Variants in EDIL3 observed in about 807,000 individuals in gnomAD.
The protein encoded by EDIL3 is EGF-like repeat and discoidin I-like domain-containing protein 3.
Under a neutral mutation model 67.4 loss-of-function variants are expected in EDIL3, and 37 were observed. The observed-to-expected ratio is 0.55, with a 90% CI of 0.42 to 0.72. EDIL3 has a LOEUF of 0.72. EDIL3 is among the 30% of genes least tolerant of loss of function. The pLI, the probability that EDIL3 is intolerant of heterozygous loss-of-function variation, is 0.00. For missense variants in EDIL3, 527 were observed against 586.3 expected, an observed-to-expected ratio of 0.90 and a Z score of 1.04; for synonymous variants, 195 against 196.3, an observed-to-expected ratio of 0.99 and a Z score of 0.05.
intron 9 of EDIL3, among the ~76,000 whole-genome samples, chr5:83,982,788 A>C (rs566864707): frequency 9.9e-5 from 15 of 152,234 alleles, no homozygotes; most frequent in African/African-American, 3.6e-4. Flanking sequence ...GCCTCAAAGA[A>C]GCTATGTGAC....
At chr5:84,122,823 C>T (rs977733673) in intron 5 of EDIL3, among the ~76,000 whole-genome samples, 1 of 151,926 alleles carries the variant, frequency 6.6e-6, no homozygotes, top group Non-Finnish European at 1.5e-5. Context: ...TCAACATGGA[C>T]TGTTATTCAT....
chr5:84,065,243 T>C (rs895315425), intron 7 of EDIL3, among the ~76,000 whole-genome samples: 2 of 152,202 alleles, frequency 1.3e-5, no homozygotes, highest in Admixed American at 6.5e-5. Flanking sequence ...TCTTTGCTAC[T>C]GCTTCCGGAT....
intron 1 of EDIL3, among the ~76,000 whole-genome samples, chr5:84,350,754 T>C (rs949169303): frequency 1.3e-5 from 2 of 152,140 alleles, no homozygotes; most frequent in Non-Finnish European, 2.9e-5. Context: ...TAGCCCAGCA[T>C]TGTTCAATAG....
chr5:84,008,192 A>C (rs10214299), intron 9 of EDIL3, among the ~76,000 whole-genome samples: 78,304 of 151,786 alleles, frequency 0.52, 20,836 homozygotes, highest in East Asian at 0.9. Flanking sequence ...ACATATGGTT[A>C]GAAAGAAGAA....
intron 9 of EDIL3, among the ~76,000 whole-genome samples, chr5:83,969,441 A>T (rs1034002849): frequency 2.5e-4 from 38 of 152,006 alleles, no homozygotes; most frequent in African/African-American, 9.1e-4. Context: ...AATAATAGTA[A>T]TTCCTAATGA....
intron 1 of EDIL3, among the ~76,000 whole-genome samples, chr5:84,319,494 CAAAA>C (rs55738450): frequency 0.013 from 557 of 42,860 alleles, 3 homozygotes; most frequent in African/African-American, 0.024. Context: ...CAAAAAACAA[CAAAA>C]AAAAAAAAAA....
At chr5:84,337,065 G>C (rs1165212136) in intron 1 of EDIL3, among the ~76,000 whole-genome samples, 2 of 152,094 alleles carry the variant, frequency 1.3e-5, no homozygotes, top group African/African-American at 4.8e-5. Context: ...ACTAAGTGGG[G>C]ATCAAATTCC....
chr5:84,210,965 A>T (rs1744105664), intron 3 of EDIL3, among the ~76,000 whole-genome samples: 1 of 152,202 alleles, frequency 6.6e-6, no homozygotes, highest in Non-Finnish European at 1.5e-5. Flanking sequence ...ATCTACTGTC[A>T]CTATTGTAGT....
rs180697565 is a variant in EDIL3, at chr5:83,942,551, T to C, written c.*868A>G. ...AGATTTAAATTTAAAGAGACATATATATTTTTTGTTCTTTTGTGCAAACTG... is the reference window on the plus strand; with the variant it reads ...AGATTTAAATTTAAAGAGACATATACATTTTTTGTTCTTTTGTGCAAACTG... On this transcript the variant is annotated 3_prime_UTR_variant, in exon 11 of 11. Transcript: ENST00000296591. 1 of 152,200 alleles carries C rather than the reference T, an allele frequency of 6.6e-6. No homozygotes were observed. The highest frequency in any genetic ancestry group is 1.9e-4 in the East Asian group (1 of 5,166). The allele number at this position is 152,200 out of a possible 1,614,324, so 9.4% of individuals were successfully genotyped here. A position where few individuals can be genotyped will look rare whatever the true frequency, so the allele number is the denominator to read the frequency against.
chr5:84,035,120 G>A (rs1037046981), intron 9 of EDIL3, among the ~76,000 whole-genome samples: 7 of 151,938 alleles, frequency 4.6e-5, no homozygotes, highest in Admixed American at 3.3e-4. Context: ...TTCCACATCA[G>A]AATTCTCACT....
At chr5:83,956,891 A>C (rs370463181) in intron 10 of EDIL3, among the ~76,000 whole-genome samples, 2 of 151,766 alleles carry the variant, frequency 1.3e-5, no homozygotes, top group South Asian at 4.1e-4. Context: ...GCAAATTAAA[A>C]TAAATAAATA....
At chr5:84,257,214 C>T (rs1349069589) in intron 1 of EDIL3, among the ~76,000 whole-genome samples, 2 of 152,048 alleles carry the variant, frequency 1.3e-5, no homozygotes, top group Non-Finnish European at 2.9e-5. Flanking sequence ...CCCTCTGCTG[C>T]CCTCTCTAGA....
chr5:84,130,323 G>C (rs1317076318), intron 5 of EDIL3, among the ~76,000 whole-genome samples: 4 of 152,004 alleles, frequency 2.6e-5, no homozygotes, highest in Non-Finnish European at 1.5e-5. Context: ...TGTTGTCCCG[G>C]CTTTAGAGGG....
intron 10 of EDIL3, among the ~76,000 whole-genome samples, chr5:83,944,396 C>CTTTTTTT (rs35919017): frequency 8.5e-6 from 1 of 117,118 alleles, no homozygotes; most frequent in African/African-American, 3.1e-5. Flanking sequence ...TGTAAAAATG[C>CTTTTTTT]TTTTTTTTTT....
chr5:84,001,332 C>T (rs1424539143), intron 9 of EDIL3, among the ~76,000 whole-genome samples: 1 of 152,080 alleles, frequency 6.6e-6, no homozygotes, highest in Admixed American at 6.6e-5. Flanking sequence ...TCACAAAATG[C>T]TGGGTGGCTG....
chr5:83,996,264 G>T (rs2112164598), intron 9 of EDIL3, among the ~76,000 whole-genome samples: 1 of 152,222 alleles, frequency 6.6e-6, no homozygotes, highest in South Asian at 2.1e-4. Flanking sequence ...TATATTTCTG[G>T]ATAATTATAG....
At chr5:84,093,302 A>C (rs766778080) in intron 6 of EDIL3, among the ~76,000 whole-genome samples, 10 of 151,798 alleles carry the variant, frequency 6.6e-5, no homozygotes, top group Non-Finnish European at 1.3e-4. Flanking sequence ...TCTGATTCCT[A>C]CTCTCAAGTT....
At chr5:84,152,001 C>T (rs899775854) in intron 4 of EDIL3, among the ~76,000 whole-genome samples, 5 of 151,900 alleles carry the variant, frequency 3.3e-5, no homozygotes, top group African/African-American at 4.8e-5. Flanking sequence ...GCAACCTCCG[C>T]CTCCTGGGTC....
At chr5:84,147,112 C>T (rs1328025404) in intron 4 of EDIL3, among the ~76,000 whole-genome samples, 1 of 151,832 alleles carries the variant, frequency 6.6e-6, no homozygotes, top group African/African-American at 2.4e-5. Flanking sequence ...ATTTCGTCTC[C>T]TAAATATTTA....
Sources: allele counts gnomAD v4.1 joint callset (sites outside exome capture counted in the v4.1 genomes callset), GRCh38; gene constraint gnomAD v4.1.1; transcripts MANE v1.5; gene names NCBI Gene and HGNC (gene_info 2026-07-23, HGNC 2026-07-21).